MAN2A2: variants seen among roughly 807,000 people sequenced by gnomAD.
The protein encoded by MAN2A2 is alpha-mannosidase 2x.
MAN2A2 carries 79 observed loss-of-function variants against 126.8 expected under a neutral mutation model. The ratio of observed to expected loss-of-function variants is 0.62; its 90% confidence interval spans 0.52 to 0.75. The LOEUF is 0.75. Among genes scored for constraint, MAN2A2 ranks in the 30% least tolerant of loss-of-function variants. MAN2A2 has a pLI of 0.00. For synonymous variants in MAN2A2, 671 were observed against 618.7 expected, an observed-to-expected ratio of 1.08 and a Z score of -1.25; for missense variants, 1,392 against 1,522.4, an observed-to-expected ratio of 0.91 and a Z score of 1.43.
chr15:90,911,461 C>A lies in MAN2A2; in HGVS notation c.2020C>A (p.Arg674Ser), dbSNP rs377597565. Residue 674 changes from arginine to serine, a missense_variant, in exon 14 of 23, where the codon CGT becomes AGT. Physicochemically the swap from Arg to Ser is moderately radical, Grantham distance 110. Coordinates refer to ENST00000559717, the MANE Select transcript of MAN2A2 (RefSeq NM_006122.4). ...CCTGCTGGTCAACTCTCCCCGCGTG[C>A]GTGTCCTTTCGGAGGAGGGTCAGCC... ...VSLLVNSPRVRVLSEEGQPLA... is the reference protein window; with the variant it reads ...VSLLVNSPRVSVLSEEGQPLA... 10 of 1,614,224 alleles carry A rather than the reference C, an allele frequency of 6.2e-6. No homozygotes were observed. Among genetic ancestry groups the A allele is most frequent in the South Asian group, 1.1e-5 (1 of 91,088 alleles).
At position 90,916,650 on chromosome 15, in the gene MAN2A2, G is replaced by A. The variant is rs763041212; in HGVS notation, c.2994+394G>A. 9 of 1,296,264 alleles carry A rather than the reference G, an allele frequency of 6.9e-6. No individual in the cohort carries two copies. The South Asian group carries it at 9.9e-5, about 14-fold the overall frequency. 80.3% of individuals were successfully genotyped at this position (1,296,264 alleles called of 1,614,324 possible). On this transcript the variant is annotated intron_variant, in intron 20 of 22. Transcript: ENST00000559717. ...TTGATCTTTCACAGCAGCAGGAGCG[G>A]TAACCGAGAGGTAAGGGTCGGCTCT... is the stretch of plus-strand genomic sequence containing the variant.
rs1171446118 is a variant in MAN2A2 at position 90,916,198 on chromosome 15, A to G, written c.2936A>G (p.Asn979Ser). ...NRGLGQGLKD[N>S]KRTCNRFRLL... Reference sequence around the variant, plus strand: ...GGCCTAGGCCAAGGGCTCAAGGACAACAAGAGAACCTGCAACCGTTTCCGC... The same window carrying G: ...GGCCTAGGCCAAGGGCTCAAGGACAGCAAGAGAACCTGCAACCGTTTCCGC... The change falls in exon 20 of 23, where the codon AAC (asparagine) becomes AGC (serine). Residue 979 changes from asparagine (N) to serine (S), a missense_variant. Asn to Ser is a conservative substitution (Grantham distance 46). Transcript: ENST00000559717. 7.4e-6 allele frequency: 12 copies of G among 1,614,064 alleles called. No individual in the cohort carries two copies. Among genetic ancestry groups the G allele is most frequent in the Non-Finnish European group, 1.0e-5 (12 of 1,180,048 alleles).
chr15:90,912,164 C>T lies in MAN2A2; in HGVS notation c.2231C>T (p.Ser744Phe), dbSNP rs1460937256. 4 of 1,613,912 alleles carry T rather than the reference C, an allele frequency of 2.5e-6. No homozygotes were observed. The African/African-American group carries it at 5.3e-5, about 22-fold the overall frequency. ...ATCTACCTGCACGGCCGGCAGCTGT[C>T]CGTCAGCAGGCACGAAGCGTTTCCT... Reference protein sequence around the residue: ...VRIYLHGRQLSVSRHEAFPLR... With the variant: ...VRIYLHGRQLFVSRHEAFPLR... Residue 744 changes from serine (S) to phenylalanine (F), a missense_variant, in exon 15 of 23, where the codon TCC becomes TTC. Coordinates refer to ENST00000559717, the MANE Select transcript of MAN2A2 (RefSeq NM_006122.4).
chr15:90,905,160 T>C, intron 2 of MAN2A2, 91 bp from the exon 3 acceptor site: 1 of 1,412,188 alleles, frequency 7.1e-7, no homozygotes, highest in Non-Finnish European at 9.7e-7. Flanking sequence ...GAGGGAAGAA[T>C]TGTACTCAGG....
chr15:90,906,974 G>A (rs561881748), intron 7 of MAN2A2, 61 bp downstream of exon 7: 1 of 1,582,962 alleles, frequency 6.3e-7, no homozygotes, highest in Non-Finnish European at 8.6e-7. Flanking sequence ...GAACAGCAGG[G>A]ATATCAGAAC....
chr15:90,905,200 C>T (rs2034166919), intron 2 of MAN2A2, 51 bp from the exon 3 acceptor site: 2 of 1,590,820 alleles, frequency 1.3e-6, no homozygotes, highest in East Asian at 2.2e-5. Context: ...AGCAGAGACC[C>T]TCCCTGTGGC....
chr15:90,914,996 A>G (rs2035057174), intron 19 of MAN2A2, among the ~76,000 whole-genome samples: 3 of 152,172 alleles, frequency 2.0e-5, no homozygotes, highest in Non-Finnish European at 4.4e-5. Context: ...AGCCCTTGTG[A>G]AGGGCTGAGC....
At position 90,919,702 on chromosome 15, in the gene MAN2A2, T is replaced by G. The variant is rs753105615; in HGVS notation, c.3368T>G (p.Leu1123Arg). ...VFLQPTSLTL[L>R]YPLASPSNST... Reference sequence around the variant, plus strand: ...CTTCAGCCAACCTCCTTGACGTTACTGTACCCTCTGGCCTCCCCGTCCAAC... The same window carrying G: ...CTTCAGCCAACCTCCTTGACGTTACGGTACCCTCTGGCCTCCCCGTCCAAC... Residue 1123 changes from leucine to arginine, a missense_variant, in exon 23 of 23, where the codon CTG becomes CGG. Coordinates refer to ENST00000559717, the MANE Select transcript of MAN2A2 (RefSeq NM_006122.4). The G allele has an allele frequency of 3.1e-6, 5 of 1,614,124 alleles. No homozygotes were observed. The Admixed American group carries it at 8.3e-5, about 27-fold the overall frequency.
At chr15:90,905,140 T>A in intron 2 of MAN2A2, 111 bp from the exon 3 acceptor site, 1 of 1,232,990 alleles carries the variant, frequency 8.1e-7, no homozygotes, top group South Asian at 1.4e-5. Flanking sequence ...ATGGTCTGGC[T>A]TTGACTGATG....
chr15:90,912,122 T>C lies in MAN2A2; in HGVS notation c.2189T>C (p.Leu730Pro), dbSNP rs748129057. Residue 730 changes from leucine (L) to proline (P), a missense_variant, in exon 15 of 23, where the codon CTG becomes CCG. Physicochemically the swap from Leu to Pro is moderately conservative, Grantham distance 98. Transcript: ENST00000559717. ...LQLGLDGHRT[L>P]PSSVRIYLHG... is the part of the protein sequence containing the mutation. Reference sequence around the variant, plus strand: ...CTGGGCCTGGATGGGCACCGCACGCTGCCCTCCTCTGTGCGCATCTACCTG... The same window carrying C: ...CTGGGCCTGGATGGGCACCGCACGCCGCCCTCCTCTGTGCGCATCTACCTG... 3.1e-6 allele frequency: 5 copies of C among 1,613,748 alleles called. No individual in the cohort carries two copies. The highest frequency in any genetic ancestry group is 4.2e-6 in the Non-Finnish European group (5 of 1,179,968).
intron 4 of MAN2A2, 33 bp from the exon 5 acceptor site, chr15:90,905,812 G>A (rs777449566): frequency 4.4e-6 from 7 of 1,579,332 alleles, no homozygotes; most frequent in Non-Finnish European, 6.0e-6. Context: ...GAAGATGGTG[G>A]CATCCTCAGG....
Position 90,919,629 on chromosome 15 carries a change from C to T in MAN2A2, c.3301-6C>T, listed in dbSNP as rs2035447381. On this transcript the variant is annotated splice_region_variant and splice_polypyrimidine_tract_variant and intron_variant, in intron 22 of 22. Transcript: ENST00000559717. ...CACAACCCTGCCCCTTCTCTGCTCT[C>T]CACAGGTAGCCCTGGGCAGCCTTTT... 6.2e-7 allele frequency: 1 copy of T among 1,613,834 alleles called. No individual in the cohort carries two copies. Among genetic ancestry groups the T allele is most frequent in the Non-Finnish European group, 8.5e-7 (1 of 1,179,918 alleles).
rs1437245735 is a variant in MAN2A2 at position 90,906,508 on chromosome 15, GC to G, written c.835+14del. On this transcript the variant is annotated intron_variant, in intron 6 of 22. Transcript: ENST00000559717. ...TGGAGAGAAATCTTGGTAAGTCCAG[GC>G]CCAGGCATGGGGGTCTGCCCCCTGG... The G allele has an allele frequency of 6.2e-7, 1 of 1,614,136 alleles. No individual in the cohort carries two copies. Among genetic ancestry groups the G allele is most frequent in the Non-Finnish European group, 8.5e-7 (1 of 1,179,990 alleles).
intron 22 of MAN2A2, among the ~76,000 whole-genome samples, chr15:90,919,064 A>T (rs1273749582): frequency 6.6e-6 from 1 of 152,216 alleles, no homozygotes; most frequent in Admixed American, 6.5e-5. Context: ...GCCGGCACTG[A>T]TAAATGTCCC....
intron 19 of MAN2A2, among the ~76,000 whole-genome samples, chr15:90,914,045 G>T (rs186527479): frequency 1.5e-3 from 226 of 152,334 alleles, no homozygotes; most frequent in African/African-American, 5.1e-3. Flanking sequence ...GAAAAAAAAT[G>T]TCAAAAAGCA....
intron 19 of MAN2A2, 75 bp downstream of exon 19, chr15:90,913,830 C>T (rs983368589): frequency 6.8e-7 from 1 of 1,474,816 alleles, no homozygotes; most frequent in East Asian, 2.5e-5. Flanking sequence ...GGGCTCCCCG[C>T]TCTGTTGGCC....
At chr15:90,913,446 G>A in intron 18 of MAN2A2, 40 bp downstream of exon 18, 2 of 1,575,510 alleles carry the variant, frequency 1.3e-6, no homozygotes, top group Non-Finnish European at 1.7e-6. Flanking sequence ...CCACAGAGTA[G>A]AACTTGGACT....
chr15:90,904,066 A>T, intron 1 of MAN2A2, 124 bp from the exon 2 acceptor site: 1 of 1,054,650 alleles, frequency 9.5e-7, no homozygotes, highest in Non-Finnish European at 1.5e-6. Context: ...TGCTTGTGCT[A>T]CTTGGAGCCA....
rs1266482 is a variant in MAN2A2 at position 90,920,122 on chromosome 15, T to A, written c.*335T>A. 35,829 of 272,660 alleles carry A rather than the reference T, an allele frequency of 0.13. 4,323 individuals carry two copies. Among genetic ancestry groups the A allele is most frequent in the African/African-American group, 0.38 (17,510 of 45,642 alleles). The allele number at this position is 272,660 out of a possible 1,614,324, so 16.9% of individuals were successfully genotyped here. On this transcript the variant is annotated 3_prime_UTR_variant, in exon 23 of 23. Transcript: ENST00000559717. Reference sequence around the variant, plus strand: ...CTTTTTCCAAACAGGGATATAGAAGTGGTGGAAGCAGACAGAAGAGGTAAG... The same window carrying A: ...CTTTTTCCAAACAGGGATATAGAAGAGGTGGAAGCAGACAGAAGAGGTAAG...
Sources: allele counts gnomAD v4.1 joint callset (sites outside exome capture counted in the v4.1 genomes callset), GRCh38; gene constraint gnomAD v4.1.1; transcripts MANE v1.5; gene names NCBI Gene and HGNC (gene_info 2026-07-23, HGNC 2026-07-21).